CSMD1: variants seen among roughly 807,000 people sequenced by gnomAD.
CSMD1 encodes CUB and Sushi multiple domains 1, also known as CUB and sushi domain-containing protein 1.
In CSMD1, 213 loss-of-function variants were observed where a neutral mutation model predicts 417.5. That is an observed-to-expected ratio of 0.51 (90% confidence interval 0.46 to 0.57). The LOEUF is 0.57. Among genes scored for constraint, CSMD1 ranks in the 20% least tolerant of loss-of-function variants. The probability of loss-of-function intolerance (pLI) is 0.00; values close to 1 mark genes in which losing one functional copy is unlikely to be tolerated. For synonymous variants in CSMD1, 2,862 were observed against 1,736.8 expected (o/e 1.65, Z -16.11); for missense variants, 6,923 against 4,529.7 (o/e 1.53, Z -15.17).
chr8:3,096,274 C>T (rs1285383293), intron 47 of CSMD1, among the ~76,000 whole-genome samples: 1 of 152,170 alleles, frequency 6.6e-6, no homozygotes, highest in African/African-American at 2.4e-5. Context: ...TGTCCCCTCC[C>T]AAATCTCTTC....
intron 3 of CSMD1, among the ~76,000 whole-genome samples, chr8:4,139,115 C>A (rs908417354): frequency 2.0e-5 from 3 of 152,198 alleles, no homozygotes; most frequent in Admixed American, 1.3e-4. Context: ...ACATGAAGAC[C>A]CCTGTGATTC....
intron 1 of CSMD1, among the ~76,000 whole-genome samples, chr8:4,736,678 G>C (rs75575210): frequency 2.1e-3 from 314 of 152,272 alleles, no homozygotes; most frequent in Non-Finnish European, 3.6e-3. Context: ...CTTTTGAGAA[G>C]ATAAATCGCA....
intron 7 of CSMD1, among the ~76,000 whole-genome samples, chr8:3,691,756 C>T (rs931321705): frequency 6.8e-6 from 1 of 147,172 alleles, no homozygotes; most frequent in African/African-American, 2.4e-5. Context: ...AAATGAGGCT[C>T]AATACCATTT....
Position 3,069,584 on chromosome 8 carries a change from C to T in CSMD1, c.7475-16937G>A, listed in dbSNP as rs894623272. On this transcript the variant is annotated intron_variant, in intron 49 of 69. Transcript: ENST00000635120. ...GGCACACCACTACAAGGGGTGGTTT[C>T]GCAAGGCCTTGGGCAGCTTTGCTTC... Among the ~76,000 whole-genome samples, 24 of 152,202 alleles carry T rather than the reference C, an allele frequency of 1.6e-4. No individual in the cohort carries two copies. The East Asian group carries it at 3.5e-3, about 22-fold the overall frequency.
intron 3 of CSMD1, among the ~76,000 whole-genome samples, chr8:4,331,080 C>G (rs1405131255): frequency 6.6e-6 from 1 of 152,144 alleles, no homozygotes; most frequent in Admixed American, 6.6e-5. Context: ...TTCTTATTCT[C>G]CAATATGCAA....
intron 7 of CSMD1, among the ~76,000 whole-genome samples, chr8:3,617,408 T>G (rs1490434063): frequency 6.6e-6 from 1 of 152,160 alleles, no homozygotes; most frequent in East Asian, 1.9e-4. Flanking sequence ...TTGGATAGAG[T>G]AGCTCTCACT....
chr8:3,238,566 A>T (rs1799298169), intron 26 of CSMD1, among the ~76,000 whole-genome samples: 1 of 152,122 alleles, frequency 6.6e-6, no homozygotes, highest in South Asian at 2.1e-4. Context: ...AGTGGGAGAG[A>T]TGAAGCTGAA....
chr8:4,882,177 G>A (rs1803447508), intron 1 of CSMD1, among the ~76,000 whole-genome samples: 1 of 151,956 alleles, frequency 6.6e-6, no homozygotes, highest in Admixed American at 6.6e-5. Context: ...AGTCTCCTTG[G>A]CACTAGACGG....
intron 3 of CSMD1, among the ~76,000 whole-genome samples, chr8:4,202,460 G>C (rs953117440): frequency 6.6e-6 from 1 of 152,152 alleles, no homozygotes; most frequent in Non-Finnish European, 1.5e-5. Flanking sequence ...GTTTCATTAC[G>C]TAAGTTTTAA....
intron 3 of CSMD1, among the ~76,000 whole-genome samples, chr8:4,218,345 G>A (rs1438407128): frequency 6.6e-6 from 1 of 152,118 alleles, no homozygotes; most frequent in East Asian, 1.9e-4. Context: ...TATTCAAACT[G>A]TTGATTTTGT....
At chr8:4,312,959 T>C (rs756782305) in intron 3 of CSMD1, among the ~76,000 whole-genome samples, 1 of 152,156 alleles carries the variant, frequency 6.6e-6, no homozygotes, top group African/African-American at 2.4e-5. Context: ...GAAGAGCCCA[T>C]AATTTGACCT....
At chr8:3,791,532 T>G (rs1474055067) in intron 5 of CSMD1, among the ~76,000 whole-genome samples, 2 of 152,134 alleles carry the variant, frequency 1.3e-5, no homozygotes, top group Admixed American at 6.5e-5. Context: ...ATTTTAAAAT[T>G]ACCTTAACAG....
chr8:4,970,311 T>A (rs924073650), intron 1 of CSMD1, among the ~76,000 whole-genome samples: 4 of 152,094 alleles, frequency 2.6e-5, no homozygotes, highest in Non-Finnish European at 5.9e-5. Flanking sequence ...TGGGAATAAG[T>A]AAATGTGGCA....
intron 7 of CSMD1, among the ~76,000 whole-genome samples, chr8:3,653,740 C>T (rs1217879995): frequency 6.6e-6 from 1 of 152,208 alleles, no homozygotes; most frequent in Non-Finnish European, 1.5e-5. Flanking sequence ...GGACCGGCCA[C>T]ATCGCATGGC....
chr8:4,567,483 A>G (rs1306117969), intron 2 of CSMD1, among the ~76,000 whole-genome samples: 1 of 152,164 alleles, frequency 6.6e-6, no homozygotes, highest in African/African-American at 2.4e-5. Flanking sequence ...AGCAATTCCA[A>G]TGTACTACTT....
At chr8:4,266,087 C>T (rs1384284062) in intron 3 of CSMD1, among the ~76,000 whole-genome samples, 4 of 103,200 alleles carry the variant, frequency 3.9e-5, no homozygotes, top group African/African-American at 1.1e-4. Flanking sequence ...CATAGACTCA[C>T]CAGGCATATT....
chr8:3,295,348 G>C (rs536623700), intron 25 of CSMD1, among the ~76,000 whole-genome samples: 46 of 151,854 alleles, frequency 3.0e-4, no homozygotes, highest in Non-Finnish European at 5.3e-4. Context: ...GGAAGGTCTC[G>C]ATCTCCTGAC....
At chr8:4,733,321 A>G (rs566846830) in intron 1 of CSMD1, among the ~76,000 whole-genome samples, 1 of 152,210 alleles carries the variant, frequency 6.6e-6, no homozygotes, top group Non-Finnish European at 1.5e-5. Flanking sequence ...AGCAAGCACA[A>G]ATTAGCCATG....
At chr8:3,962,613 G>A in intron 5 of CSMD1, among the ~76,000 whole-genome samples, 1 of 152,252 alleles carries the variant, frequency 6.6e-6, no homozygotes, top group East Asian at 1.9e-4. Flanking sequence ...GAAAGGAGAG[G>A]ATCATTGGCT....
Sources: gnomAD v4.1 joint callset for allele counts (sites outside exome capture counted in the v4.1 genomes callset) on GRCh38, gnomAD v4.1.1 for gene constraint, MANE v1.5 for transcripts, NCBI Gene and HGNC (gene_info 2026-07-23, HGNC 2026-07-21) for gene names.